Variants in DTWD2 observed in about 807,000 individuals in gnomAD.
The protein encoded by DTWD2 is tRNA-uridine aminocarboxypropyltransferase 2.
A neutral mutation model predicts 31.8 loss-of-function variants in DTWD2; 39 were observed. The ratio of observed to expected loss-of-function variants is 1.22; its 90% CI spans 0.95 to 1.60. DTWD2 has a LOEUF of 1.60. Ranked by LOEUF, DTWD2 falls within the 40% of genes most tolerant of loss-of-function variation. The probability of loss-of-function intolerance (pLI) is 0.00; values close to 1 mark genes in which losing one functional copy is unlikely to be tolerated. For synonymous variants in DTWD2, 180 were observed against 142.8 expected, an observed-to-expected ratio of 1.26 and a Z score of -1.86; for missense variants, 515 against 381.5, an observed-to-expected ratio of 1.35 and a Z score of -2.92.
intron 4 of DTWD2, among the ~76,000 whole-genome samples, chr5:118,913,486 C>A (rs1308928779): frequency 6.7e-6 from 1 of 148,826 alleles, no homozygotes; most frequent in Non-Finnish European, 1.5e-5. Context: ...ACTGACTCAT[C>A]AGTGAGTATG....
intron 4 of DTWD2, among the ~76,000 whole-genome samples, chr5:118,927,577 T>G (rs1180908161): frequency 6.6e-6 from 1 of 151,994 alleles, no homozygotes; most frequent in East Asian, 1.9e-4. Context: ...TCCTGAGTAA[T>G]TAAAATAATT....
rs369172509 is a variant in DTWD2, at chr5:118,988,513, G to A, written c.-2C>T. 9.0e-6 allele frequency: 14 copies of A among 1,556,136 alleles called. No individual in the cohort carries two copies. The Admixed American group carries it at 2.3e-4, about 26-fold the overall frequency. On this transcript the variant is annotated 5_prime_UTR_variant, in exon 1 of 6. Coordinates refer to ENST00000510708, the MANE Select transcript of DTWD2 (RefSeq NM_173666.4). Reference sequence around the variant, plus strand: ...TCGTGCCTCTTTCTGCGACTCCATGGCGGACACTCCGGTCAGGCCGTGGCA... The same window carrying A: ...TCGTGCCTCTTTCTGCGACTCCATGACGGACACTCCGGTCAGGCCGTGGCA...
At chr5:118,967,710 A>G (rs999343107) in intron 1 of DTWD2, among the ~76,000 whole-genome samples, 1 of 152,234 alleles carries the variant, frequency 6.6e-6, no homozygotes, top group Non-Finnish European at 1.5e-5. Flanking sequence ...AAATAAATAA[A>G]TGGGGAGAAA....
At chr5:118,894,551 A>G (rs1170401460) in intron 4 of DTWD2, among the ~76,000 whole-genome samples, 3 of 152,170 alleles carry the variant, frequency 2.0e-5, no homozygotes, top group Non-Finnish European at 4.4e-5. Context: ...ATACTCACAC[A>G]TACTTGTTCA....
intron 1 of DTWD2, among the ~76,000 whole-genome samples, chr5:118,984,553 G>A (rs1412687658): frequency 1.3e-5 from 2 of 152,050 alleles, no homozygotes; most frequent in Non-Finnish European, 2.9e-5. Context: ...GTATGTGCCT[G>A]GCAGATGGCT....
intron 2 of DTWD2, 94 bp from the exon 3 acceptor site, chr5:118,939,384 C>T (rs17144836): frequency 0.14 from 156,558 of 1,089,586 alleles, 19,864 homozygotes; most frequent in African/African-American, 0.63. Context: ...TAACTTTATG[C>T]ATAACTTTCA....
At chr5:118,846,492 A>C (rs1204811340) in intron 5 of DTWD2, among the ~76,000 whole-genome samples, 1 of 152,176 alleles carries the variant, frequency 6.6e-6, no homozygotes, top group African/African-American at 2.4e-5. Context: ...TAGCTAAGGA[A>C]TATACTTTTC....
chr5:118,946,962 G>A (rs577064239), intron 1 of DTWD2, among the ~76,000 whole-genome samples: 51 of 152,230 alleles, frequency 3.4e-4, no homozygotes, highest in Middle Eastern at 6.8e-3. Flanking sequence ...AGCTGGTCTC[G>A]AACTCCTGAC....
chr5:118,873,263 A>G (rs1047120086), intron 4 of DTWD2, among the ~76,000 whole-genome samples: 3 of 152,192 alleles, frequency 2.0e-5, no homozygotes, highest in African/African-American at 7.2e-5. Context: ...CTTTAGCCCT[A>G]GGGGAAATGT....
rs1235405812 is a variant in DTWD2 at position 118,912,731 on chromosome 5, T to C, written c.597+15806A>G. Among the ~76,000 whole-genome samples, 4 of 152,222 alleles carry C rather than the reference T, an allele frequency of 2.6e-5. No individual in the cohort carries two copies. In the East Asian group the frequency reaches 7.7e-4, roughly 29 times the overall value. On this transcript the variant is annotated intron_variant, in intron 4 of 5. Transcript: ENST00000510708. Reference sequence around the variant, plus strand: ...TTGAAATATATATGGCAATATTTTATTTATTATGTTTATTTTTGTCTTTTT... The same window carrying C: ...TTGAAATATATATGGCAATATTTTACTTATTATGTTTATTTTTGTCTTTTT...
intron 4 of DTWD2, among the ~76,000 whole-genome samples, chr5:118,900,519 G>A (rs892657786): frequency 2.0e-5 from 3 of 152,160 alleles, no homozygotes; most frequent in Admixed American, 1.3e-4. Flanking sequence ...AGAAAAAAAT[G>A]TATCTAAAAC....
rs759601156 is a variant in DTWD2, at chr5:118,974,666, A to G, written c.218+13628T>C. On this transcript the variant is annotated intron_variant, in intron 1 of 5. Coordinates refer to ENST00000510708, the MANE Select transcript of DTWD2 (RefSeq NM_173666.4). Reference sequence around the variant, plus strand: ...AGTAGTTGGTTTGTATGAGATGGTTAAAAAGGCCAAAGATAAAAGGTTTCT... The same window carrying G: ...AGTAGTTGGTTTGTATGAGATGGTTGAAAAGGCCAAAGATAAAAGGTTTCT... 6.3e-5 allele frequency: 32 copies of G among 504,824 alleles called. No individual in the cohort carries two copies. In the Admixed American group the frequency reaches 7.6e-4, roughly 12 times the overall value. 31.3% of individuals were successfully genotyped at this position (504,824 alleles called of 1,614,324 possible). A position where few individuals can be genotyped will look rare whatever the true frequency, so the allele number is the denominator to read the frequency against.
At chr5:118,916,891 A>G (rs1753591557) in intron 4 of DTWD2, among the ~76,000 whole-genome samples, 1 of 152,164 alleles carries the variant, frequency 6.6e-6, no homozygotes, top group East Asian at 1.9e-4. Flanking sequence ...TCTGGATCAG[A>G]AAGATCCAGA....
intron 5 of DTWD2, among the ~76,000 whole-genome samples, chr5:118,844,840 T>G (rs1751809982): frequency 1.3e-5 from 2 of 152,074 alleles, no homozygotes; most frequent in Non-Finnish European, 2.9e-5. Context: ...CAAGTGAAAA[T>G]TTACTCTTCT....
At chr5:118,920,241 G>T (rs1753671430) in intron 4 of DTWD2, among the ~76,000 whole-genome samples, 1 of 151,952 alleles carries the variant, frequency 6.6e-6, no homozygotes, top group African/African-American at 2.4e-5. Context: ...TTCAAGGAAT[G>T]CTCCCATGAA....
chr5:118,977,735 T>A (rs1341817325), intron 1 of DTWD2, among the ~76,000 whole-genome samples: 1 of 152,162 alleles, frequency 6.6e-6, no homozygotes, highest in East Asian at 1.9e-4. Flanking sequence ...ACAGGAAGAA[T>A]CAATATTGTG....
intron 1 of DTWD2, among the ~76,000 whole-genome samples, chr5:118,987,063 C>G (rs1469744566): frequency 2.0e-5 from 3 of 152,064 alleles, no homozygotes; most frequent in African/African-American, 7.2e-5. Context: ...CAATTCTGAA[C>G]AGACTAAAAA....
At chr5:118,856,438 T>A (rs1032675446) in intron 4 of DTWD2, among the ~76,000 whole-genome samples, 1 of 152,188 alleles carries the variant, frequency 6.6e-6, no homozygotes, top group Non-Finnish European at 1.5e-5. Flanking sequence ...TTTGCTATTA[T>A]AAACAAAGTA....
At chr5:118,865,337 C>T (rs1403936000) in intron 4 of DTWD2, among the ~76,000 whole-genome samples, 2 of 152,102 alleles carry the variant, frequency 1.3e-5, no homozygotes, top group Non-Finnish European at 2.9e-5. Context: ...CTTGCTGACT[C>T]AAGAAACACT....
Sources: allele counts gnomAD v4.1 joint callset (sites outside exome capture counted in the v4.1 genomes callset), GRCh38; gene constraint gnomAD v4.1.1; transcripts MANE v1.5; gene names NCBI Gene and HGNC (gene_info 2026-07-23, HGNC 2026-07-21).